Variants in KCNT2 observed in about 807,000 individuals in gnomAD.
The protein encoded by KCNT2 is potassium channel subfamily T member 2.
A neutral mutation model predicts 153.8 loss-of-function variants in KCNT2; 67 were observed. That is an observed-to-expected ratio of 0.44 (90% confidence interval 0.36 to 0.53). KCNT2 has a LOEUF of 0.53. Among genes scored for constraint, KCNT2 ranks in the 20% least tolerant of loss-of-function variants. The probability of loss-of-function intolerance (pLI) is 0.00; values close to 1 mark genes in which losing one functional copy is unlikely to be tolerated. For synonymous variants in KCNT2, 500 were observed against 458.8 expected (o/e 1.09, Z -1.15); for missense variants, 975 against 1,354.8 (o/e 0.72, Z 4.40).
chr1:196,546,321 T>A (rs1382594188), intron 1 of KCNT2, among the ~76,000 whole-genome samples: 4 of 152,126 alleles, frequency 2.6e-5, no homozygotes. Context: ...CACGCATACA[T>A]TTGGTGTTAC....
intron 18 of KCNT2, among the ~76,000 whole-genome samples, chr1:196,327,718 G>A (rs1235385381): frequency 4.9e-5 from 7 of 142,308 alleles, no homozygotes; most frequent in Non-Finnish European, 1.0e-4. Context: ...CCAGGCTGGA[G>A]TGCAGTGGTG....
chr1:196,438,815 CTAA>C, intron 8 of KCNT2, among the ~76,000 whole-genome samples: 1 of 151,510 alleles, frequency 6.6e-6, no homozygotes, highest in South Asian at 2.1e-4. Context: ...AGTTATGTAA[CTAA>C]TATCATGATA....
At position 196,241,002 on chromosome 1, in the gene KCNT2, G is replaced by A. The variant is rs180873489; in HGVS notation, c.3212-4932C>T. ...AGAAATGGAATAAATTAGTAAAAGG[G>A]GCGAGGAAGAGAGATAGAAATGATG... On this transcript the variant is annotated intron_variant, in intron 26 of 27. Coordinates refer to ENST00000294725, the MANE Select transcript of KCNT2 (RefSeq NM_198503.5). Among the ~76,000 whole-genome samples the A allele has an allele frequency of 2.3e-3, 344 of 151,924 alleles. 1 individual carries two copies. The highest frequency in any genetic ancestry group is 4.3e-3 in the Non-Finnish European group (292 of 67,860).
intron 25 of KCNT2, among the ~76,000 whole-genome samples, chr1:196,259,267 C>T (rs1656793761): frequency 6.6e-6 from 1 of 152,212 alleles, no homozygotes; most frequent in Non-Finnish European, 1.5e-5. Flanking sequence ...TCTATTATGA[C>T]TTACTCTTTT....
chr1:196,356,141 T>C (rs12059731), intron 14 of KCNT2, among the ~76,000 whole-genome samples: 24 of 151,816 alleles, frequency 1.6e-4, no homozygotes, highest in African/African-American at 5.6e-4. Flanking sequence ...ACATTTCTGC[T>C]GTCTCTCCAT....
intron 1 of KCNT2, among the ~76,000 whole-genome samples, chr1:196,525,648 T>C (rs940430120): frequency 2.6e-5 from 4 of 152,170 alleles, no homozygotes; most frequent in African/African-American, 9.7e-5. Flanking sequence ...GCTAAATTTG[T>C]GAATTCATGA....
intron 1 of KCNT2, among the ~76,000 whole-genome samples, chr1:196,525,994 C>T (rs576158849): frequency 4.7e-5 from 7 of 148,662 alleles, no homozygotes; most frequent in South Asian, 4.3e-4. Context: ...ACATAAATAG[C>T]ACAAATAATG....
rs1041584625 is a variant in KCNT2, at chr1:196,257,803, A to G, written c.3211+391T>C. The stretch of plus-strand genomic sequence containing the variant: ...GAACATTTTGGTTTACCTGTGGCCA[A>G]TACAATCAGTTACTTGTCAATGCCT... On this transcript the variant is annotated intron_variant, in intron 26 of 27. Coordinates refer to ENST00000294725, the MANE Select transcript of KCNT2 (RefSeq NM_198503.5). 8.1e-6 allele frequency: 8 copies of G among 984,826 alleles called. No homozygotes were observed. The African/African-American group carries it at 1.4e-4, about 17-fold the overall frequency. The allele number at this position is 984,826 out of a possible 1,614,324, so 61.0% of individuals were successfully genotyped here.
At chr1:196,393,665 T>C (rs991239052) in intron 13 of KCNT2, among the ~76,000 whole-genome samples, 3 of 151,360 alleles carry the variant, frequency 2.0e-5, no homozygotes, top group African/African-American at 7.3e-5. Flanking sequence ...ATGAAGTTTA[T>C]TTCAGTCAGA....
chr1:196,448,751 T>A (rs931046361), intron 8 of KCNT2, among the ~76,000 whole-genome samples: 11 of 151,716 alleles, frequency 7.3e-5, no homozygotes, highest in Non-Finnish European at 1.5e-4. Flanking sequence ...GTTATTCAAC[T>A]AAAGTCACAC....
intron 22 of KCNT2, among the ~76,000 whole-genome samples, chr1:196,303,190 T>C (rs766209293): frequency 1.6e-4 from 25 of 152,198 alleles, no homozygotes; most frequent in Non-Finnish European, 2.2e-4. Context: ...CTCTAGCCAG[T>C]TTTGCATTCC....
At chr1:196,284,248 A>AAAAAAAAAAAAAATATATATATATATAT in intron 23 of KCNT2, among the ~76,000 whole-genome samples, 3 of 10,050 alleles carry the variant, frequency 3.0e-4, no homozygotes, top group African/African-American at 4.1e-4. Flanking sequence ...AAAAAAAAAA[A>AAAAAAAAAAAAAATATATATATATATAT]ATATATATAT....
At chr1:196,295,396 T>G (rs140516089) in intron 22 of KCNT2, among the ~76,000 whole-genome samples, 7,517 of 151,786 alleles carry the variant, frequency 0.05, 280 homozygotes, top group Non-Finnish European at 0.071. Context: ...TTGTAACTCT[T>G]AAGTTACAAC....
chr1:196,575,528 T>C (rs544171337), intron 1 of KCNT2, among the ~76,000 whole-genome samples: 3 of 151,978 alleles, frequency 2.0e-5, no homozygotes, highest in Admixed American at 2.0e-4. Flanking sequence ...ACTTTTGTAA[T>C]GTAGACATTC....
intron 8 of KCNT2, among the ~76,000 whole-genome samples, chr1:196,457,153 G>T (rs1489711681): frequency 6.6e-6 from 1 of 151,706 alleles, no homozygotes; most frequent in Non-Finnish European, 1.5e-5. Context: ...TTTAAAAGGA[G>T]TAGACAATTT....
chr1:196,327,932 C>T (rs1227764137), intron 18 of KCNT2, among the ~76,000 whole-genome samples: 2 of 151,770 alleles, frequency 1.3e-5, no homozygotes, highest in East Asian at 1.9e-4. Flanking sequence ...CCACCATGCT[C>T]GGACACCTCT....
intron 1 of KCNT2, among the ~76,000 whole-genome samples, chr1:196,566,703 G>A (rs1653564992): frequency 6.6e-6 from 1 of 152,026 alleles, no homozygotes; most frequent in Non-Finnish European, 1.5e-5. Context: ...AAGTAACAAA[G>A]TTATTTAAAG....
chr1:196,558,056 T>A (rs1333247701), intron 1 of KCNT2, among the ~76,000 whole-genome samples: 3 of 151,448 alleles, frequency 2.0e-5, no homozygotes, highest in Non-Finnish European at 4.4e-5. Context: ...ATTAGCATCA[T>A]GCCAAAGTGG....
chr1:196,534,344 A>G (rs564645419), intron 1 of KCNT2, among the ~76,000 whole-genome samples: 1 of 152,292 alleles, frequency 6.6e-6, no homozygotes, highest in African/African-American at 2.4e-5. Flanking sequence ...CATTGAAACT[A>G]CACAATGGGC....
Sources: allele counts gnomAD v4.1 joint callset (sites outside exome capture counted in the v4.1 genomes callset), GRCh38; gene constraint gnomAD v4.1.1; transcripts MANE v1.5; gene names NCBI Gene and HGNC (gene_info 2026-07-23, HGNC 2026-07-21).